The following ANKRD13B variants were observed in gnomAD, a reference collection of about 807,000 sequenced individuals.
ANKRD13B encodes the protein ankyrin repeat domain-containing protein 13B.
Under a neutral mutation model 74.4 loss-of-function variants are expected in ANKRD13B, and 33 were observed. The ratio of observed to expected loss-of-function variants is 0.44; its 90% confidence interval spans 0.34 to 0.59. The LOEUF (loss-of-function observed/expected upper bound fraction) is 0.59, where lower values mean the gene tolerates loss of function less well. Ranked by LOEUF, ANKRD13B falls within the 20% of genes least tolerant of loss-of-function variation. The pLI is 0.02. For missense variants in ANKRD13B, 676 were observed against 877.9 expected (o/e 0.77, Z 2.91); for synonymous variants, 341 against 362.9 (o/e 0.94, Z 0.68).
rs931676662 is a variant in ANKRD13B at position 29,611,771 on chromosome 17, G to A, written c.970-105G>A. 24 of 1,566,998 alleles carry A rather than the reference G, an allele frequency of 1.5e-5. No individual in the cohort carries two copies. Among genetic ancestry groups the A allele is most frequent in the Admixed American group, 1.7e-5 (1 of 57,178 alleles). On this transcript the variant is annotated intron_variant, in intron 9 of 14. Transcript: ENST00000394859. This position sits in a 1 kb window ranked among gnomAD's most constrained non-coding sequence, Gnocchi z 4.3. ...CCACAATGCCCAAGGCCATGTCAGC[G>A]CCACACTGGCAGAGGGGACAGCTTG... is the stretch of plus-strand genomic sequence containing the variant.
intron 7 of ANKRD13B, among the ~76,000 whole-genome samples, 174 bp from the exon 8 acceptor site, chr17:29,610,511 A>G (rs560994808): frequency 1.3e-5 from 2 of 152,338 alleles, no homozygotes; most frequent in East Asian, 3.9e-4. Flanking sequence ...TGTTTGTTGA[A>G]TGAATAAGTG....
intron 1 of ANKRD13B, among the ~76,000 whole-genome samples, chr17:29,594,578 G>A (rs1251098600): frequency 2.0e-5 from 3 of 152,212 alleles, no homozygotes; most frequent in African/African-American, 7.2e-5. Context: ...GCAGGCACAG[G>A]TCACAGATTG....
chr17:29,595,418 C>T (rs2033918910), intron 1 of ANKRD13B, among the ~76,000 whole-genome samples: 1 of 152,228 alleles, frequency 6.6e-6, no homozygotes, highest in Non-Finnish European at 1.5e-5. Flanking sequence ...CTCCAGAATG[C>T]CTCAGTCCCA....
At chr17:29,599,873 T>TTG (rs1555579157) in intron 1 of ANKRD13B, among the ~76,000 whole-genome samples, 1 of 115,988 alleles carries the variant, frequency 8.6e-6, no homozygotes, top group South Asian at 3.1e-4. Flanking sequence ...TTGTTTTTTT[T>TTG]TTTTTTTTTT....
rs906181734 is a variant in ANKRD13B, at chr17:29,613,859, T to G, written c.*277T>G. 4.4e-6 allele frequency: 2 copies of G among 457,698 alleles called. No homozygotes were observed. Among genetic ancestry groups the G allele is most frequent in the Non-Finnish European group, 3.8e-6 (1 of 266,438 alleles). 28.4% of individuals were successfully genotyped at this position (457,698 alleles called of 1,614,324 possible). ...CGCTCCCCTGGGCTCAGATCTGTCC[T>G]GTCCTAGGGCGGAGCCAGGCGGTCC... On this transcript the variant is annotated 3_prime_UTR_variant, in exon 15 of 15. Coordinates refer to ENST00000394859, the MANE Select transcript of ANKRD13B (RefSeq NM_152345.5).
At chr17:29,610,657 T>C (rs367578278) in intron 7 of ANKRD13B, 28 bp from the exon 8 acceptor site, 400 of 1,611,246 alleles carry the variant, frequency 2.5e-4, no homozygotes, top group Middle Eastern at 1.3e-3. Context: ...CAGAACTGCT[T>C]ATGAGCCCTT....
rs1005432308 is a variant in ANKRD13B at position 29,593,308 on chromosome 17, G to A, written c.-314G>A. On this transcript the variant is annotated 5_prime_UTR_variant, in exon 1 of 15. Transcript: ENST00000394859. ...TGCGGGCGCCTGCTCCCTCCGCCGA[G>A]CGGCGTCTTTGTGTGCGGGGGTGTG... Among the ~76,000 whole-genome samples the A allele has an allele frequency of 7.4e-5, 11 of 148,116 alleles. No individual in the cohort carries two copies. Among genetic ancestry groups the A allele is most frequent in the African/African-American group, 2.7e-4 (11 of 40,966 alleles).
At chr17:29,603,104 C>A (rs2034240889) in intron 1 of ANKRD13B, among the ~76,000 whole-genome samples, 1 of 152,254 alleles carries the variant, frequency 6.6e-6, no homozygotes, top group Admixed American at 6.5e-5. Flanking sequence ...CCGCCTTGGC[C>A]TCCCAAAGTA....
At position 29,612,360 on chromosome 17, in the gene ANKRD13B, G is replaced by A. The variant is rs757046151; in HGVS notation, c.1259-42G>A. 6.2e-7 allele frequency: 1 copy of A among 1,611,712 alleles called. No individual in the cohort carries two copies. The highest frequency in any genetic ancestry group is 1.1e-5 in the South Asian group (1 of 91,008). On this transcript the variant is annotated intron_variant, in intron 11 of 14. Transcript: ENST00000394859. The surrounding 1 kb of genome is among the most constrained non-coding windows in gnomAD (Gnocchi z 6.1). ...CGGGGTGGGGCTGAGGCTGAGGTGT[G>A]AGGGGCTGAGTGGTGGCGCCTAAAG...
In ANKRD13B at chr17:29,593,319, G is replaced by C. The variant is rs564213867; in HGVS notation, c.-303G>C. The C allele has an allele frequency of 3.6e-4, 53 of 148,112 alleles. 1 individual carries two copies. In the East Asian group the frequency reaches 9.9e-3, roughly 28 times the overall value. The allele number at this position is 148,112 out of a possible 1,614,324, so 9.2% of individuals were successfully genotyped here. A position where few individuals can be genotyped will look rare whatever the true frequency, so the allele number is the denominator to read the frequency against. On this transcript the variant is annotated 5_prime_UTR_variant, in exon 1 of 15. Transcript: ENST00000394859. ...GCTCCCTCCGCCGAGCGGCGTCTTT[G>C]TGTGCGGGGGTGTGGGAGGCGAGCG... is the stretch of plus-strand genomic sequence containing the variant.
intron 1 of ANKRD13B, among the ~76,000 whole-genome samples, chr17:29,599,780 G>C (rs1208393048): frequency 1.3e-5 from 2 of 148,956 alleles, no homozygotes; most frequent in Non-Finnish European, 3.0e-5. Flanking sequence ...TTTTCCTGAG[G>C]ATGTAAATTA....
Position 29,593,411 on chromosome 17 carries a change from C to A in ANKRD13B, c.-211C>A. On this transcript the variant is annotated 5_prime_UTR_variant, in exon 1 of 15. Transcript: ENST00000394859. Reference sequence around the variant, plus strand: ...GCGGGTGGGGGCCTCTCCGCGCCGCCCGCCGCCGCCGCCTCGCGAGGACGC... The same window carrying A: ...GCGGGTGGGGGCCTCTCCGCGCCGCACGCCGCCGCCGCCTCGCGAGGACGC... 1 of 146,522 alleles carries A rather than the reference C, an allele frequency of 6.8e-6. No individual in the cohort carries two copies. The highest frequency in any genetic ancestry group is 1.9e-4 in the South Asian group (1 of 5,312). The allele number at this position is 146,522 out of a possible 1,614,324, so 9.1% of individuals were successfully genotyped here.
At position 29,614,126 on chromosome 17, in the gene ANKRD13B, A is replaced by T. The variant is rs1274976899; in HGVS notation, c.*544A>T. ...ACCCCGGCATTTCAGCGTCAAGTGC[A>T]CTTAGCGGGGTACCCGGCTCCCCCA... On this transcript the variant is annotated 3_prime_UTR_variant, in exon 15 of 15. Coordinates refer to ENST00000394859, the MANE Select transcript of ANKRD13B (RefSeq NM_152345.5). 1 of 145,050 alleles carries T rather than the reference A, an allele frequency of 6.9e-6. No homozygotes were observed. Among genetic ancestry groups the T allele is most frequent in the Non-Finnish European group, 1.5e-5 (1 of 66,668 alleles). The allele number at this position is 145,050 out of a possible 1,614,324, so 9.0% of individuals were successfully genotyped here.
At position 29,608,908 on chromosome 17, in the gene ANKRD13B, A is replaced by G; in HGVS notation, c.479A>G (p.Gln160Arg). Residue 160 changes from glutamine to arginine, a missense_variant, in exon 5 of 15, where the codon CAG (glutamine) becomes CGG (arginine). Coordinates refer to ENST00000394859, the MANE Select transcript of ANKRD13B (RefSeq NM_152345.5). This position sits in a 1 kb window ranked among gnomAD's most constrained non-coding sequence, Gnocchi z 6.4. ...SDTYKVWKSG[Q>R]NLRVDTTLLG... ...ACCTACAAAGTGTGGAAGAGCGGCC[A>G]GAACCTGAGGGTAGACACCACACTC... The G allele has an allele frequency of 6.2e-7, 1 of 1,614,144 alleles. No individual in the cohort carries two copies. Among genetic ancestry groups the G allele is most frequent in the Non-Finnish European group, 8.5e-7 (1 of 1,180,030 alleles).
intron 1 of ANKRD13B, among the ~76,000 whole-genome samples, chr17:29,597,785 G>A (rs898846371): frequency 2.0e-5 from 3 of 152,124 alleles, no homozygotes; most frequent in East Asian, 1.9e-4. Context: ...TGCATGGGGT[G>A]TATGGGGTGC....
chr17:29,599,823 C>G (rs1188115350), intron 1 of ANKRD13B, among the ~76,000 whole-genome samples: 3 of 145,798 alleles, frequency 2.1e-5, no homozygotes, highest in Non-Finnish European at 4.5e-5. Context: ...CTTTTATTCC[C>G]TGCATCAAGA....
Position 29,609,289 on chromosome 17 carries a change from G to A in ANKRD13B, c.755+14G>A, listed in dbSNP as rs1297755846. 3 of 1,612,948 alleles carry A rather than the reference G, an allele frequency of 1.9e-6. No homozygotes were observed. The highest frequency in any genetic ancestry group is 2.5e-6 in the Non-Finnish European group (3 of 1,179,680). ...CTCCTTTGAGAGGTGGGTGGACATG[G>A]CCTTGGTCACCCTTGAGCCAGCCCG... On this transcript the variant is annotated intron_variant, in intron 6 of 14. Coordinates refer to ENST00000394859, the MANE Select transcript of ANKRD13B (RefSeq NM_152345.5). This position sits in a 1 kb window ranked among gnomAD's most constrained non-coding sequence, Gnocchi z 4.0.
Position 29,611,433 on chromosome 17 carries a change from T to C in ANKRD13B, c.905-146T>C. The C allele has an allele frequency of 1.4e-6, 1 of 740,282 alleles. No individual in the cohort carries two copies. The highest frequency in any genetic ancestry group is 2.3e-6 in the Non-Finnish European group (1 of 431,878). 45.9% of individuals were successfully genotyped at this position (740,282 alleles called of 1,614,324 possible). A position where few individuals can be genotyped will look rare whatever the true frequency, so the allele number is the denominator to read the frequency against. ...CTTGAAGCACTCAGTCCCCTTCAGGTGAAGGTGCCTGAGTATGTGGTTGGG... is the reference window on the plus strand; with the variant it reads ...CTTGAAGCACTCAGTCCCCTTCAGGCGAAGGTGCCTGAGTATGTGGTTGGG... On this transcript the variant is annotated intron_variant, in intron 8 of 14. Coordinates refer to ENST00000394859, the MANE Select transcript of ANKRD13B (RefSeq NM_152345.5). This position sits in a 1 kb window ranked among gnomAD's most constrained non-coding sequence, Gnocchi z 4.3.
rs773640250 is a variant in ANKRD13B at position 29,609,228 on chromosome 17, G to T, written c.708G>T (p.Ala236=). Reference sequence around the variant, plus strand: ...AACAGGTGCTGAGCCGGCTTACCGCGCCCGTCGTCACCACTCAGCTTGACA... The same window carrying T: ...AACAGGTGCTGAGCCGGCTTACCGCTCCCGTCGTCACCACTCAGCTTGACA... ...TEEQVLSRLT[A]PVVTTQLDTK... The change falls in exon 6 of 15, where the codon GCG becomes GCT. Residue 236 remains alanine (A), a synonymous_variant. Transcript: ENST00000394859. This position sits in a 1 kb window ranked among gnomAD's most constrained non-coding sequence, Gnocchi z 4.0. The T allele has an allele frequency of 5.0e-6, 8 of 1,613,064 alleles. No individual in the cohort carries two copies. Among genetic ancestry groups the T allele is most frequent in the Admixed American group, 1.7e-5 (1 of 60,022 alleles).
Sources: allele counts gnomAD v4.1 joint callset (sites outside exome capture counted in the v4.1 genomes callset), GRCh38; gene constraint gnomAD v4.1.1; non-coding constraint Gnocchi (gnomAD v3.1); transcripts MANE v1.5; gene names NCBI Gene and HGNC (gene_info 2026-07-23, HGNC 2026-07-21).